Variants in WDR76 observed in about 807,000 individuals in gnomAD.
WDR76 encodes WD repeat domain 76.
In WDR76, 52 loss-of-function variants were observed where a neutral mutation model predicts 70.2. The ratio of observed to expected loss-of-function variants is 0.74; its 90% CI spans 0.59 to 0.93. The LOEUF is 0.93. Ranked by LOEUF, WDR76 falls within the 40% of genes least tolerant of loss-of-function variation. The probability of loss-of-function intolerance (pLI) is 0.00; values close to 1 mark genes in which losing one functional copy is unlikely to be tolerated. For missense variants in WDR76, 756 were observed against 760.2 expected (o/e 0.99, Z 0.07); for synonymous variants, 292 against 271.1 (o/e 1.08, Z -0.76).
At chr15:43,858,973 A>T in intron 11 of WDR76, 150 bp downstream of exon 11, 2 of 1,066,530 alleles carry the variant, frequency 1.9e-6, no homozygotes, top group Non-Finnish European at 2.6e-6. Flanking sequence ...AAGACTGGTG[A>T]CCTGTATTTA....
chr15:43,860,910 C>CTTTTTTTT (rs34504509), intron 11 of WDR76, among the ~76,000 whole-genome samples: 8 of 79,018 alleles, frequency 1.0e-4, no homozygotes, highest in African/African-American at 2.3e-4. Flanking sequence ...TGATCTTACT[C>CTTTTTTTT]TTTTTTTTTT....
chr15:43,854,908 G>A (rs1595451003), intron 9 of WDR76, among the ~76,000 whole-genome samples: 2 of 149,536 alleles, frequency 1.3e-5, no homozygotes, highest in African/African-American at 4.9e-5. Context: ...CCAAGATTGT[G>A]CCATTGTACT....
chr15:43,847,699 G>T (rs967977837), intron 8 of WDR76, among the ~76,000 whole-genome samples: 2 of 152,050 alleles, frequency 1.3e-5, no homozygotes, highest in African/African-American at 4.8e-5. Flanking sequence ...GGGTTTACAC[G>T]AATGAGTCAC....
chr15:43,845,516 G>A (rs2087777581), intron 8 of WDR76, among the ~76,000 whole-genome samples: 2 of 150,178 alleles, frequency 1.3e-5, no homozygotes, highest in Admixed American at 1.3e-4. Context: ...GAATGAACTG[G>A]AAGCTTGATC....
intron 9 of WDR76, 140 bp downstream of exon 9, chr15:43,851,385 C>T: frequency 8.5e-7 from 1 of 1,178,072 alleles, no homozygotes; most frequent in South Asian, 1.6e-5. Context: ...AGTTCAAATC[C>T]CAGATCATCT....
chr15:43,853,260 G>A (rs912536690), intron 9 of WDR76, among the ~76,000 whole-genome samples: 4 of 151,520 alleles, frequency 2.6e-5, no homozygotes, highest in East Asian at 2.0e-4. Context: ...GCTTGATCTC[G>A]GCTCACCGCA....
At chr15:43,835,510 G>A (rs1043097452) in intron 3 of WDR76, among the ~76,000 whole-genome samples, 5 of 151,830 alleles carry the variant, frequency 3.3e-5, no homozygotes, top group East Asian at 1.9e-4. Flanking sequence ...AACAAGAGCC[G>A]TAAAACCCAA....
chr15:43,864,740 T>C (rs2088048288), intron 12 of WDR76, among the ~76,000 whole-genome samples: 1 of 149,540 alleles, frequency 6.7e-6, no homozygotes, highest in Admixed American at 6.7e-5. Flanking sequence ...ATTACAGGCA[T>C]GAGCCACAAT....
At chr15:43,838,123 T>C (rs1348963770) in intron 4 of WDR76, among the ~76,000 whole-genome samples, 1 of 152,294 alleles carries the variant, frequency 6.6e-6, no homozygotes, top group South Asian at 2.1e-4. Flanking sequence ...TCCGCCTGCC[T>C]CGGCCTCCCA....
At chr15:43,854,521 G>C (rs2087905173) in intron 9 of WDR76, among the ~76,000 whole-genome samples, 1 of 152,186 alleles carries the variant, frequency 6.6e-6, no homozygotes, top group South Asian at 2.1e-4. Flanking sequence ...AGTAAGCCGA[G>C]ATTGCATCAC....
chr15:43,835,804 G>A (rs915764016), intron 3 of WDR76, among the ~76,000 whole-genome samples: 5 of 151,564 alleles, frequency 3.3e-5, no homozygotes, highest in African/African-American at 9.7e-5. Context: ...GATTACAGGC[G>A]CCCGCCACCA....
chr15:43,854,599 T>C (rs1048721656), intron 9 of WDR76, among the ~76,000 whole-genome samples: 6 of 152,096 alleles, frequency 3.9e-5, no homozygotes, highest in African/African-American at 1.4e-4. Flanking sequence ...TTTACCACTT[T>C]AGGTATATAA....
chr15:43,843,614 CTT>C (rs903516907), intron 7 of WDR76, among the ~76,000 whole-genome samples: 5 of 151,114 alleles, frequency 3.3e-5, no homozygotes, highest in African/African-American at 9.7e-5. Flanking sequence ...GCTCAAAGGT[CTT>C]TTTTTTTCTT....
chr15:43,837,047 AAAAAAAAAAC>A (rs1347213732), intron 4 of WDR76, among the ~76,000 whole-genome samples: 35 of 151,766 alleles, frequency 2.3e-4, no homozygotes, highest in Admixed American at 2.0e-3. Context: ...TCTCACAAAA[AAAAAAAAAAC>A]AAAAAAAAAC....
rs1429430070 is a variant in WDR76 at position 43,841,205 on chromosome 15, T to TG, written c.733-1210_733-1209insG. Among the ~76,000 whole-genome samples, 1,307 of 146,136 alleles carry TG rather than the reference T, an allele frequency of 8.9e-3. 18 individuals carry two copies. The highest frequency in any genetic ancestry group is 0.031 in the African/African-American group (1,233 of 39,844). ...CTGGCTAAGTTTTGTTTTTTTGTTTTTTTTTTTTTTTTTTTGAGACGGAGT... is the reference window on the plus strand; with the variant it reads ...CTGGCTAAGTTTTGTTTTTTTGTTTTGTTTTTTTTTTTTTTTGAGACGGAGT... On this transcript the variant is annotated intron_variant, in intron 5 of 12. Coordinates refer to ENST00000263795, the MANE Select transcript of WDR76 (RefSeq NM_024908.4).
chr15:43,834,088 C>G (rs2087625748), intron 2 of WDR76, among the ~76,000 whole-genome samples: 1 of 151,886 alleles, frequency 6.6e-6, no homozygotes, highest in Non-Finnish European at 1.5e-5. Flanking sequence ...AAATTTAAGC[C>G]TTTTCATGGA....
chr15:43,841,019 T>G (rs1337015311), intron 5 of WDR76, among the ~76,000 whole-genome samples: 1 of 151,136 alleles, frequency 6.6e-6, no homozygotes, highest in African/African-American at 2.4e-5. Flanking sequence ...CTTTGGTATT[T>G]CTTTTTTTTT....
intron 9 of WDR76, among the ~76,000 whole-genome samples, chr15:43,854,201 C>T (rs1454811151): frequency 6.6e-6 from 1 of 152,144 alleles, no homozygotes; most frequent in African/African-American, 2.4e-5. Context: ...CCTAGGTATA[C>T]ACCCAAGAGA....
chr15:43,834,486 A>G (rs1441463340), intron 2 of WDR76, among the ~76,000 whole-genome samples: 7 of 122,690 alleles, frequency 5.7e-5, no homozygotes, highest in South Asian at 2.5e-4. Context: ...TTTTTTTTGT[A>G]TTTTTAGTTG....
Sources: gnomAD v4.1 joint callset for allele counts (sites outside exome capture counted in the v4.1 genomes callset) on GRCh38, gnomAD v4.1.1 for gene constraint, MANE v1.5 for transcripts, NCBI Gene and HGNC (gene_info 2026-07-23, HGNC 2026-07-21) for gene names.